The following LRBA variants were observed in gnomAD, a reference collection of about 807,000 sequenced individuals.
LRBA encodes the protein LPS responsive beige-like anchor protein.
In LRBA, 176 loss-of-function variants were observed where a neutral mutation model predicts 330.0. The ratio of observed to expected loss-of-function variants is 0.53; its 90% CI spans 0.47 to 0.60. The LOEUF is 0.60. Ranked by LOEUF, LRBA falls within the 20% of genes least tolerant of loss-of-function variation. The pLI, the probability that LRBA is intolerant of heterozygous loss-of-function variation, is 0.00. For missense variants in LRBA, 3,259 were observed against 3,444.8 expected (o/e 0.95, Z 1.35); for synonymous variants, 1,230 against 1,193.0 (o/e 1.03, Z -0.64).
chr4:150,465,411 T>C lies in LRBA; in HGVS notation c.6780+2262A>G, dbSNP rs565161100. ...GTTCTTATCCCTACTTTCAATTCTT[T>C]TTAATTTTTTGAGAAACTACCATAC... On this transcript the variant is annotated intron_variant, in intron 44 of 56. Coordinates refer to ENST00000651943, the MANE Select transcript of LRBA (RefSeq NM_001364905.1). Among the ~76,000 whole-genome samples the C allele has an allele frequency of 5.9e-5, 9 of 152,258 alleles. No homozygotes were observed. The South Asian group carries it at 1.7e-3, about 28-fold the overall frequency.
intron 35 of LRBA, 47 bp downstream of exon 35, chr4:150,761,736 A>G: frequency 1.5e-6 from 2 of 1,300,734 alleles, no homozygotes; most frequent in African/African-American, 1.5e-5. Flanking sequence ...GGAAAAACCC[A>G]AGATTTTAAA....
intron 40 of LRBA, among the ~76,000 whole-genome samples, chr4:150,545,994 A>G (rs1765818491): frequency 6.6e-6 from 1 of 152,152 alleles, no homozygotes; most frequent in Admixed American, 6.6e-5. Context: ...ATAGTCACAA[A>G]GAGCATATGC....
intron 35 of LRBA, among the ~76,000 whole-genome samples, chr4:150,756,268 T>A (rs776292678): frequency 6.6e-6 from 1 of 152,006 alleles, no homozygotes; most frequent in Non-Finnish European, 1.5e-5. Context: ...TAGAACAACA[T>A]CAGGAGCTTA....
At chr4:150,838,610 C>T (rs1306158737) in intron 28 of LRBA, among the ~76,000 whole-genome samples, 1 of 152,170 alleles carries the variant, frequency 6.6e-6, no homozygotes. Context: ...GCATTTGTCA[C>T]GTAGTACTTG....
intron 37 of LRBA, among the ~76,000 whole-genome samples, chr4:150,646,605 G>A (rs1779160186): frequency 6.6e-6 from 1 of 152,088 alleles, no homozygotes; most frequent in Non-Finnish European, 1.5e-5. Flanking sequence ...AGGTTGATCA[G>A]GCGAAGTCAA....
intron 47 of LRBA, among the ~76,000 whole-genome samples, chr4:150,398,909 T>C (rs1028152194): frequency 9.2e-5 from 14 of 152,190 alleles, no homozygotes; most frequent in African/African-American, 3.1e-4. Context: ...TTTACAGGTG[T>C]GAGCCACCAT....
chr4:150,735,298 C>G lies in LRBA; in HGVS notation c.5714G>C (p.Arg1905Thr), dbSNP rs1251816200. 2.5e-6 allele frequency: 4 copies of G among 1,613,824 alleles called. No homozygotes were observed. In the Admixed American group the frequency reaches 6.7e-5, roughly 27 times the overall value. ...TCTGTGAATATCTTCTGCTCTCTGC[C>G]TGCTCAGGATAAATTCAGCTTCATT... ...VANEAEFILS[R>T]QRAEDIHRHA... Residue 1905 changes from arginine (R) to threonine (T), a missense_variant, in exon 36 of 57, where the codon AGG becomes ACG. Transcript: ENST00000651943.
chr4:150,861,911 G>A (rs191639278), intron 22 of LRBA, among the ~76,000 whole-genome samples: 29 of 151,966 alleles, frequency 1.9e-4, no homozygotes, highest in Admixed American at 1.8e-3. Flanking sequence ...AACCTGGGAG[G>A]TGGAGGTTGC....
chr4:150,897,610 T>A (rs1730232916), intron 15 of LRBA, 129 bp downstream of exon 15: 3 of 625,852 alleles, frequency 4.8e-6, no homozygotes, highest in Non-Finnish European at 2.8e-6. Flanking sequence ...CATGGAAATA[T>A]CTTTCAAAGT....
intron 40 of LRBA, among the ~76,000 whole-genome samples, chr4:150,507,914 C>T (rs1334069566): frequency 6.6e-6 from 1 of 152,072 alleles, no homozygotes; most frequent in Non-Finnish European, 1.5e-5. Context: ...ATGATGAGTT[C>T]ATGTCCTTTG....
At chr4:150,871,803 T>C (rs995427829) in intron 18 of LRBA, among the ~76,000 whole-genome samples, 1 of 152,160 alleles carries the variant, frequency 6.6e-6, no homozygotes, top group African/African-American at 2.4e-5. Flanking sequence ...GGGATGATCA[T>C]CTAAAGCACA....
In LRBA at chr4:150,757,194, C is replaced by T. The variant is rs562282215; in HGVS notation, c.5645+4589G>A. On this transcript the variant is annotated intron_variant, in intron 35 of 56. Transcript: ENST00000651943. The stretch of plus-strand genomic sequence containing the variant: ...CATGAAAAATACCAATAATTGAACT[C>T]AAAATTACCAAAACAATGTATTTAA... Among the ~76,000 whole-genome samples, 5 of 152,122 alleles carry T rather than the reference C, an allele frequency of 3.3e-5. 1 individual carries two copies. In the East Asian group the frequency reaches 7.7e-4, roughly 23 times the overall value.
At chr4:150,576,177 AG>A (rs1213555871) in intron 40 of LRBA, among the ~76,000 whole-genome samples, 8 of 146,772 alleles carry the variant, frequency 5.5e-5, no homozygotes, top group Non-Finnish European at 9.1e-5. Flanking sequence ...AAAAAAAAAA[AG>A]GAGGAGGGGA....
Position 150,490,986 on chromosome 4 carries a change from A to G in LRBA, c.6380T>C (p.Ile2127Thr). 6.2e-7 allele frequency: 1 copy of G among 1,609,808 alleles called. No homozygotes were observed. Among genetic ancestry groups the G allele is most frequent in the Non-Finnish European group, 8.5e-7 (1 of 1,177,248 alleles). ...GLHGKWLFTE[I>T]RSIFSRRYLL... The stretch of plus-strand genomic sequence containing the variant: ...ATAACGACGAGAAAAGATTGATCGT[A>G]TCTCTGTGAACAGCCATTTTCCATG... Residue 2127 changes from isoleucine (I) to threonine (T), a missense_variant, in exon 41 of 57, where the codon ATA becomes ACA. By Grantham distance (89) the Ile-to-Thr change is moderately conservative. Coordinates refer to ENST00000651943, the MANE Select transcript of LRBA (RefSeq NM_001364905.1).
At chr4:150,410,830 T>C (rs1405699453) in intron 47 of LRBA, among the ~76,000 whole-genome samples, 1 of 152,210 alleles carries the variant, frequency 6.6e-6, no homozygotes, top group East Asian at 1.9e-4. Context: ...GGTCAACTTT[T>C]AGTGATTCTC....
chr4:150,648,163 A>AAAAAAAAAAAAAAAAAAAAAAAAAAAAAC (rs1561468343), intron 37 of LRBA, among the ~76,000 whole-genome samples: 1 of 139,846 alleles, frequency 7.2e-6, no homozygotes, highest in African/African-American at 2.5e-5. Flanking sequence ...AGTAGCAAAA[A>AAAAAAAAAAAAAAAAAAAAAAAAAAAAAC]AAAAAAAAAA....
In LRBA at chr4:150,850,824, T is replaced by A. The variant is rs778310385; in HGVS notation, c.3904A>T (p.Thr1302Ser). Residue 1302 changes from threonine (T) to serine (S), a missense_variant, in exon 24 of 57, where the codon ACT becomes TCT. By Grantham distance (58) the Thr-to-Ser change is moderately conservative. Transcript: ENST00000651943. The part of the protein sequence containing the change: ...VNGQRRDSRS[T>S]VFRIPEFNWS... ...TTGAACTCAGGAATACGAAACACAG[T>A]AGATCTGGAATCCCTCCTTTGTCCA... 6.2e-7 allele frequency: 1 copy of A among 1,613,826 alleles called. No homozygotes were observed. The highest frequency in any genetic ancestry group is 8.5e-7 in the Non-Finnish European group (1 of 1,179,756).
chr4:150,827,992 T>C (rs763788292), intron 30 of LRBA, among the ~76,000 whole-genome samples, 188 bp downstream of exon 30: 20 of 152,160 alleles, frequency 1.3e-4, no homozygotes, highest in Non-Finnish European at 2.8e-4. Context: ...AATCAAAATA[T>C]GTGTGAATCA....
intron 2 of LRBA, among the ~76,000 whole-genome samples, chr4:150,994,637 T>C (rs929207122): frequency 2.0e-5 from 3 of 152,174 alleles, no homozygotes; most frequent in Non-Finnish European, 4.4e-5. Context: ...AGGAGAAGGA[T>C]ACTATTTTGG....
Sources: gnomAD v4.1 joint callset for allele counts (sites outside exome capture counted in the v4.1 genomes callset) on GRCh38, gnomAD v4.1.1 for gene constraint, MANE v1.5 for transcripts, NCBI Gene and HGNC (gene_info 2026-07-23, HGNC 2026-07-21) for gene names.